PDE10A: variants seen among roughly 807,000 people sequenced by gnomAD.
The protein encoded by PDE10A is phosphodiesterase 10A, also known as cAMP and cAMP-inhibited cGMP 3',5'-cyclic phosphodiesterase 10A.
In PDE10A, 39 loss-of-function variants were observed where a neutral mutation model predicts 97.7. That is an observed-to-expected ratio of 0.40 (90% CI 0.31 to 0.52). PDE10A has a LOEUF of 0.52. PDE10A is among the 20% of genes least tolerant of loss of function. The pLI, the probability that PDE10A is intolerant of heterozygous loss-of-function variation, is 0.56. For missense variants in PDE10A, 731 were observed against 1,047.8 expected (o/e 0.70, Z 4.17); for synonymous variants, 371 against 376.8 (o/e 0.98, Z 0.18).
intron 1 of PDE10A, among the ~76,000 whole-genome samples, chr6:165,568,241 C>T (rs10946084): frequency 0.056 from 8,500 of 152,048 alleles, 559 homozygotes; most frequent in East Asian, 0.33. Context: ...CCTCATGATC[C>T]GCCCGCCTCG....
chr6:165,526,798 C>G (rs967766907), intron 2 of PDE10A, among the ~76,000 whole-genome samples: 2 of 152,228 alleles, frequency 1.3e-5, no homozygotes, highest in Non-Finnish European at 2.9e-5. Flanking sequence ...CCATTCCTGT[C>G]CATAAGGCCC....
intron 18 of PDE10A, among the ~76,000 whole-genome samples, chr6:165,358,288 A>G (rs1263390405): frequency 1.3e-5 from 2 of 152,002 alleles, no homozygotes; most frequent in Non-Finnish European, 2.9e-5. Context: ...TTACTTAAGG[A>G]GGGATATAAA....
intron 1 of PDE10A, among the ~76,000 whole-genome samples, chr6:165,619,462 G>GTCTAGTGTAGTGTAA: frequency 7.3e-6 from 1 of 137,266 alleles, no homozygotes; most frequent in Non-Finnish European, 1.5e-5. Flanking sequence ...GTGTAGTGTA[G>GTCTAGTGTAGTGTAA]TCTAGTGTAG....
chr6:165,388,219 T>C lies in PDE10A; in HGVS notation c.2610+79A>G, dbSNP rs1785439064. The C allele has an allele frequency of 7.6e-7, 1 of 1,322,032 alleles. No individual in the cohort carries two copies. Among genetic ancestry groups the C allele is most frequent in the South Asian group, 1.3e-5 (1 of 78,248 alleles). 81.9% of individuals were successfully genotyped at this position (1,322,032 alleles called of 1,614,324 possible). ...TGCTTTTAAGGAAGCCATAATGATC[T>C]TCCTTTTCCACCTATGAAGTATCCC... On this transcript the variant is annotated intron_variant, in intron 17 of 21. Coordinates refer to ENST00000539869, the MANE Select transcript of PDE10A (RefSeq NM_001385079.1). The surrounding 1 kb of genome is among the most constrained non-coding windows in gnomAD (Gnocchi z 4.0).
intron 19 of PDE10A, among the ~76,000 whole-genome samples, chr6:165,340,500 T>A (rs925488381): frequency 5.9e-5 from 9 of 152,240 alleles, no homozygotes; most frequent in Non-Finnish European, 7.3e-5. Context: ...AAATTTAAAA[T>A]CAGTGGTCTC....
At chr6:165,856,491 G>C (rs1445614651) in intron 1 of PDE10A, among the ~76,000 whole-genome samples, 2 of 152,152 alleles carry the variant, frequency 1.3e-5, no homozygotes, top group East Asian at 3.9e-4. Flanking sequence ...ACTTTTTGAT[G>C]TCGTCCATGA....
At chr6:165,379,531 G>A (rs895825165) in intron 17 of PDE10A, among the ~76,000 whole-genome samples, 165 bp from the exon 18 acceptor site, 6 of 151,970 alleles carry the variant, frequency 3.9e-5, no homozygotes, top group Admixed American at 1.3e-4. Flanking sequence ...AATGACTAAC[G>A]AAAACTGCGT....
intron 1 of PDE10A, among the ~76,000 whole-genome samples, chr6:165,764,547 C>A (rs868205338): frequency 2.6e-5 from 4 of 152,014 alleles, no homozygotes; most frequent in African/African-American, 9.7e-5. Flanking sequence ...TTCTGGTGTT[C>A]GGAGTTTCTT....
intron 1 of PDE10A, among the ~76,000 whole-genome samples, chr6:165,772,881 CAG>C (rs1319957968): frequency 6.6e-6 from 1 of 152,192 alleles, no homozygotes; most frequent in East Asian, 1.9e-4. Flanking sequence ...CTGCAAAATG[CAG>C]AGACTCCTGG....
intron 1 of PDE10A, among the ~76,000 whole-genome samples, chr6:165,874,368 G>T (rs529668455): frequency 2.6e-5 from 2 of 77,914 alleles, no homozygotes; most frequent in Non-Finnish European, 5.2e-5. Context: ...AACTTATTTC[G>T]CATTAGAAAA....
At chr6:165,548,021 C>G (rs2128326899) in intron 1 of PDE10A, among the ~76,000 whole-genome samples, 1 of 152,172 alleles carries the variant, frequency 6.6e-6, no homozygotes, top group Non-Finnish European at 1.5e-5. Flanking sequence ...TCAAATCACA[C>G]CAAAAAATAT....
intron 1 of PDE10A, among the ~76,000 whole-genome samples, chr6:165,615,959 T>C (rs957354091): frequency 1.3e-5 from 2 of 152,354 alleles, no homozygotes; most frequent in East Asian, 1.9e-4. Flanking sequence ...TTTTTATTGA[T>C]TCACGTTCAA....
At chr6:165,923,820 G>C (rs1429137728) in intron 1 of PDE10A, among the ~76,000 whole-genome samples, 1 of 151,790 alleles carries the variant, frequency 6.6e-6, no homozygotes, top group Admixed American at 6.6e-5. Context: ...GGACATTTGT[G>C]CCAATTCATT....
chr6:165,848,372 T>A (rs1780481364), intron 1 of PDE10A, among the ~76,000 whole-genome samples: 1 of 152,224 alleles, frequency 6.6e-6, no homozygotes, highest in Admixed American at 6.5e-5. Flanking sequence ...GGAGTGCCTG[T>A]GCGTGCAGAG....
chr6:165,400,866 A>G (rs1490333244), intron 13 of PDE10A, among the ~76,000 whole-genome samples: 4 of 152,218 alleles, frequency 2.6e-5, no homozygotes. Flanking sequence ...ACAATAAACT[A>G]CTACTAAGTA....
intron 1 of PDE10A, among the ~76,000 whole-genome samples, chr6:165,868,984 G>A (rs1781129864): frequency 6.6e-6 from 1 of 151,958 alleles, no homozygotes; most frequent in Non-Finnish European, 1.5e-5. Context: ...CAAAGCCACA[G>A]CTAACATCAT....
At chr6:165,563,299 A>C (rs1784616974) in intron 1 of PDE10A, among the ~76,000 whole-genome samples, 1 of 151,946 alleles carries the variant, frequency 6.6e-6, no homozygotes, top group African/African-American at 2.4e-5. Context: ...TTTAGTAATG[A>C]GATCAAGAAG....
rs1353649083 is a variant in PDE10A at position 165,430,813 on chromosome 6, C to A, written c.1543-468G>T. Reference sequence around the variant, plus strand: ...CCTACAGCTCGATTTTTCTTCCTAGCATACAGTTCTTCCCTCATCAACCTC... The same window carrying A: ...CCTACAGCTCGATTTTTCTTCCTAGAATACAGTTCTTCCCTCATCAACCTC... On this transcript the variant is annotated intron_variant, in intron 8 of 21. Coordinates refer to ENST00000539869, the MANE Select transcript of PDE10A (RefSeq NM_001385079.1). 3.3e-5 allele frequency among the ~76,000 whole-genome samples: 5 copies of A among 152,110 alleles called. No individual in the cohort carries two copies. The South Asian group carries it at 8.3e-4, about 25-fold the overall frequency.
At chr6:165,342,242 C>A (rs1011966420) in intron 19 of PDE10A, among the ~76,000 whole-genome samples, 1 of 152,166 alleles carries the variant, frequency 6.6e-6, no homozygotes, top group African/African-American at 2.4e-5. Flanking sequence ...CCAAAAAAAT[C>A]TTTCAATATA....
Sources: gnomAD v4.1 joint callset for allele counts (sites outside exome capture counted in the v4.1 genomes callset) on GRCh38, gnomAD v4.1.1 for gene constraint, Gnocchi (gnomAD v3.1) non-coding constraint, MANE v1.5 for transcripts, NCBI Gene and HGNC (gene_info 2026-07-23, HGNC 2026-07-21) for gene names.